The following FSTL4 variants were observed in gnomAD, a reference collection of about 807,000 sequenced individuals.
FSTL4 encodes follistatin-related protein 4.
In FSTL4, 28 loss-of-function variants were observed where a neutral mutation model predicts 78.2. That is an observed-to-expected ratio of 0.36 (90% CI 0.27 to 0.49). The LOEUF (loss-of-function observed/expected upper bound fraction) is 0.49. FSTL4 is among the 20% of genes least tolerant of loss of function. The pLI is 0.98. For missense variants in FSTL4, 922 were observed against 1,084.9 expected (o/e 0.85, Z 2.11); for synonymous variants, 422 against 440.5 (o/e 0.96, Z 0.53).
intron 6 of FSTL4, among the ~76,000 whole-genome samples, chr5:133,281,173 C>G (rs1753001364): frequency 6.6e-6 from 1 of 152,142 alleles, no homozygotes; most frequent in African/African-American, 2.4e-5. Flanking sequence ...CTCCTTGGAG[C>G]CCTGAGCCAG....
chr5:133,557,557 G>A (rs979427835), intron 3 of FSTL4, among the ~76,000 whole-genome samples: 2 of 152,180 alleles, frequency 1.3e-5, no homozygotes, highest in African/African-American at 4.8e-5. Context: ...TTAATTAAGT[G>A]CATGAATCAC....
At chr5:133,710,462 T>A in the FSTL4 span, among the ~76,000 whole-genome samples, 1 of 152,318 alleles carries the variant, frequency 6.6e-6, no homozygotes, top group African/African-American at 2.4e-5. Context: ...GTTTGGATGA[T>A]AACTGGGATG....
chr5:133,791,305 C>G, the FSTL4 span, among the ~76,000 whole-genome samples: 2 of 151,714 alleles, frequency 1.3e-5, no homozygotes, highest in African/African-American at 4.9e-5. Flanking sequence ...CACACACACA[C>G]AGTTCCCATC....
intron 6 of FSTL4, among the ~76,000 whole-genome samples, chr5:133,285,852 G>A (rs1025321813): frequency 6.6e-6 from 1 of 152,200 alleles, no homozygotes; most frequent in Non-Finnish European, 1.5e-5. Flanking sequence ...GCTAGGCCAC[G>A]CCCAGGCATA....
the FSTL4 span, among the ~76,000 whole-genome samples, chr5:133,670,932 G>A: frequency 6.6e-6 from 1 of 152,126 alleles, no homozygotes; most frequent in African/African-American, 2.4e-5. Flanking sequence ...TACCCATCAG[G>A]ACCTGGATTC....
the FSTL4 span, among the ~76,000 whole-genome samples, chr5:133,831,364 A>G: frequency 6.6e-6 from 1 of 152,182 alleles, no homozygotes; most frequent in African/African-American, 2.4e-5. Flanking sequence ...AATTCCTTTT[A>G]ATGACTCTTA....
At position 133,238,923 on chromosome 5, in the gene FSTL4, CT is replaced by C. The variant is rs1283924350; in HGVS notation, c.895-5387del. On this transcript the variant is annotated intron_variant, in intron 7 of 15. Coordinates refer to ENST00000265342, the MANE Select transcript of FSTL4 (RefSeq NM_015082.2). Reference sequence around the variant, plus strand: ...AGGAGCCCTTCAGCCTGCCGCTGCACTGTGGGAGCCCCTTTCTGGGCTGGCC... The same window carrying C: ...AGGAGCCCTTCAGCCTGCCGCTGCACGTGGGAGCCCCTTTCTGGGCTGGCC... 3.9e-5 allele frequency among the ~76,000 whole-genome samples: 6 copies of C among 152,256 alleles called. No individual in the cohort carries two copies. In the East Asian group the frequency reaches 1.2e-3, roughly 29 times the overall value.
rs1380788226 is a variant in FSTL4, at chr5:133,198,015, T to C, written c.*1080A>G. The C allele has an allele frequency of 3.9e-5, 6 of 152,718 alleles. No individual in the cohort carries two copies. The highest frequency in any genetic ancestry group is 9.7e-5 in the African/African-American group (4 of 41,384). 9.5% of individuals were successfully genotyped at this position (152,718 alleles called of 1,614,324 possible). A position where few individuals can be genotyped will look rare whatever the true frequency, so the allele number is the denominator to read the frequency against. ...CTGCAGTGCTGATGCGGGGATGGGG[T>C]ACCAGAGAGGAGTGGATGGGCCACA... On this transcript the variant is annotated 3_prime_UTR_variant, in exon 16 of 16. Coordinates refer to ENST00000265342, the MANE Select transcript of FSTL4 (RefSeq NM_015082.2).
intron 4 of FSTL4, among the ~76,000 whole-genome samples, chr5:133,327,033 C>G (rs1445368575): frequency 2.0e-5 from 3 of 152,278 alleles, no homozygotes; most frequent in African/African-American, 7.2e-5. Flanking sequence ...GATGGGAAAA[C>G]TGAGGCCCAG....
chr5:133,225,901 C>T lies in FSTL4; in HGVS notation c.1016-82G>A. ...CTGTGGCCCAACCTGAGACCCTGCT[C>T]CAGAGGGGGTGAACCCAAGTAGGTG... On this transcript the variant is annotated intron_variant, in intron 8 of 15. Transcript: ENST00000265342. This position sits in a 1 kb window ranked among gnomAD's most constrained non-coding sequence, Gnocchi z 4.6. 8.7e-7 allele frequency: 1 copy of T among 1,149,100 alleles called. No individual in the cohort carries two copies. Among genetic ancestry groups the T allele is most frequent in the East Asian group, 2.6e-5 (1 of 38,916 alleles). 71.2% of individuals were successfully genotyped at this position (1,149,100 alleles called of 1,614,324 possible).
At chr5:133,812,857 A>G in the FSTL4 span, among the ~76,000 whole-genome samples, 2 of 152,252 alleles carry the variant, frequency 1.3e-5, no homozygotes, top group African/African-American at 2.4e-5. Context: ...TAGTACATTC[A>G]TGATTGTTGA....
intron 7 of FSTL4, among the ~76,000 whole-genome samples, chr5:133,238,061 C>T (rs1471195948): frequency 6.6e-6 from 1 of 152,136 alleles, no homozygotes; most frequent in Non-Finnish European, 1.5e-5. Flanking sequence ...TTAAATGAGA[C>T]TTAAGTATTA....
the FSTL4 span, among the ~76,000 whole-genome samples, chr5:133,743,202 T>G: frequency 1.3e-5 from 2 of 152,104 alleles, no homozygotes; most frequent in Admixed American, 1.3e-4. Flanking sequence ...AAGCTCTCAT[T>G]TCGTAAGTGA....
At position 133,220,764 on chromosome 5, in the gene FSTL4, T is replaced by C; in HGVS notation, c.1442A>G (p.Lys481Arg). Residue 481 changes from lysine to arginine, a missense_variant, in exon 12 of 16, where the codon AAG (lysine) becomes AGG (arginine). Transcript: ENST00000265342. Reference protein sequence around the residue: ...EIQRHLKPTEKIFMSYEEICP... With the variant: ...EIQRHLKPTERIFMSYEEICP... The stretch of plus-strand genomic sequence containing the variant: ...GTTACTTACATAGCTCATGAAAATC[T>C]TTTCCGTGGGTTTGAGGTGCCTCTG... 6.3e-7 allele frequency: 1 copy of C among 1,592,248 alleles called. No homozygotes were observed. The highest frequency in any genetic ancestry group is 1.7e-4 in the Middle Eastern group (1 of 6,022).
At chr5:133,825,946 C>T in the FSTL4 span, among the ~76,000 whole-genome samples, 4 of 152,252 alleles carry the variant, frequency 2.6e-5, no homozygotes, top group African/African-American at 9.6e-5. Flanking sequence ...TATTTATAAC[C>T]TTCCTTGAGG....
chr5:133,659,674 C>A, the FSTL4 span, among the ~76,000 whole-genome samples: 1 of 150,520 alleles, frequency 6.6e-6, no homozygotes, highest in African/African-American at 2.4e-5. Flanking sequence ...TTCTATTTTC[C>A]ACATCTTCTT....
chr5:133,601,543 C>T (rs539782767), intron 2 of FSTL4, among the ~76,000 whole-genome samples: 2 of 152,158 alleles, frequency 1.3e-5, no homozygotes, highest in African/African-American at 2.4e-5. Flanking sequence ...ACGCTCTGCA[C>T]GAGGCCCCTG....
chr5:133,765,020 A>G, the FSTL4 span, among the ~76,000 whole-genome samples: 1 of 152,246 alleles, frequency 6.6e-6, no homozygotes, highest in Non-Finnish European at 1.5e-5. Flanking sequence ...TGCCGTCCCT[A>G]TGCTCTGGAA....
chr5:133,311,670 G>A (rs1156288088), intron 6 of FSTL4, among the ~76,000 whole-genome samples: 1 of 152,202 alleles, frequency 6.6e-6, no homozygotes, highest in African/African-American at 2.4e-5. Flanking sequence ...CCAGGTAAAG[G>A]CTGGGGTTGA....
Sources: allele counts gnomAD v4.1 joint callset (sites outside exome capture counted in the v4.1 genomes callset), GRCh38; gene constraint gnomAD v4.1.1; non-coding constraint Gnocchi (gnomAD v3.1); transcripts MANE v1.5; gene names NCBI Gene and HGNC (gene_info 2026-07-23, HGNC 2026-07-21).